The following GLI3 variants were observed in gnomAD, a reference collection of about 807,000 sequenced individuals.
GLI3 encodes the protein transcription activator GLI3.
A neutral mutation model predicts 100.8 loss-of-function variants in GLI3; 20 were observed. The ratio of observed to expected loss-of-function variants is 0.20; its 90% CI spans 0.14 to 0.29. GLI3 has a LOEUF of 0.29. Ranked by LOEUF, GLI3 falls within the 10% of genes least tolerant of loss-of-function variation. GLI3 has a pLI of 1.00. For missense variants in GLI3, 2,040 were observed against 2,128.5 expected (o/e 0.96, Z 0.82); for synonymous variants, 938 against 860.5 (o/e 1.09, Z -1.58).
At chr7:42,211,447 T>C (rs1263023235) in intron 2 of GLI3, among the ~76,000 whole-genome samples, 5 of 152,224 alleles carry the variant, frequency 3.3e-5, no homozygotes, top group Admixed American at 1.3e-4. Context: ...TTAGGAAAGA[T>C]TGAATTTAAG....
chr7:42,080,490 T>C (rs1416644559), intron 3 of GLI3, among the ~76,000 whole-genome samples: 1 of 152,194 alleles, frequency 6.6e-6, no homozygotes, highest in Non-Finnish European at 1.5e-5. Flanking sequence ...CCCCTCTTGA[T>C]TAAATTTAAA....
At chr7:42,035,929 T>C (rs1382567117) in intron 7 of GLI3, among the ~76,000 whole-genome samples, 1 of 152,222 alleles carries the variant, frequency 6.6e-6, no homozygotes, top group Non-Finnish European at 1.5e-5. Context: ...TGCAATATTT[T>C]ATAACATACT....
chr7:42,152,620 T>TA (rs1284504834), intron 2 of GLI3, among the ~76,000 whole-genome samples: 3 of 152,224 alleles, frequency 2.0e-5, no homozygotes, highest in African/African-American at 7.2e-5. Flanking sequence ...GTCAGGCGGC[T>TA]AATCATTAAA....
At chr7:42,051,893 A>T (rs1387238065) in intron 4 of GLI3, among the ~76,000 whole-genome samples, 1 of 152,166 alleles carries the variant, frequency 6.6e-6, no homozygotes, top group African/African-American at 2.4e-5. Context: ...TCTTGGTGTT[A>T]TCCTTTCTAC....
chr7:41,964,817 T>A lies in GLI3; in HGVS notation c.4256A>T (p.Asn1419Ile). The A allele has an allele frequency of 1.2e-6, 2 of 1,614,004 alleles. No homozygotes were observed. Among genetic ancestry groups the A allele is most frequent in the Non-Finnish European group, 1.7e-6 (2 of 1,180,016 alleles). ...LSDTSQTCRV[N>I]GIKMEMKGQP... is the part of the protein sequence containing the mutation. The stretch of plus-strand genomic sequence containing the variant: ...CCCTTTCATCTCCATCTTGATACCA[T>A]TCACCCTGCAGGTCTGACTTGTGTC... Residue 1419 changes from asparagine to isoleucine, a missense_variant, in exon 15 of 15, where the codon AAT becomes ATT. Coordinates refer to ENST00000395925, the MANE Select transcript of GLI3 (RefSeq NM_000168.6).
At chr7:42,243,646 A>G (rs537771228) in intron 1 of GLI3, among the ~76,000 whole-genome samples, 1 of 152,218 alleles carries the variant, frequency 6.6e-6, no homozygotes, top group East Asian at 1.9e-4. Context: ...TGGATCTACT[A>G]TCCGGATTAG....
chr7:42,209,962 G>A (rs1320388798), intron 2 of GLI3, among the ~76,000 whole-genome samples: 1 of 124,044 alleles, frequency 8.1e-6, no homozygotes, highest in Non-Finnish European at 1.6e-5. Flanking sequence ...GCAAATGCTG[G>A]GTCATACATC....
chr7:42,156,861 T>G (rs1787015852), intron 2 of GLI3, among the ~76,000 whole-genome samples: 1 of 152,236 alleles, frequency 6.6e-6, no homozygotes, highest in Admixed American at 6.5e-5. Context: ...CTAACCTTTC[T>G]AACATTTTTC....
At chr7:42,183,610 T>C (rs1355925969) in intron 2 of GLI3, among the ~76,000 whole-genome samples, 1 of 152,162 alleles carries the variant, frequency 6.6e-6, no homozygotes, top group African/African-American at 2.4e-5. Flanking sequence ...CTGAAGGACC[T>C]GTGACAGCCT....
At chr7:41,981,193 G>A (rs368101504) in intron 10 of GLI3, among the ~76,000 whole-genome samples, 15 of 152,358 alleles carry the variant, frequency 9.8e-5, no homozygotes, top group East Asian at 9.6e-4. Flanking sequence ...ACGCATGGCA[G>A]GAGAGAACTG....
At position 41,961,506 on chromosome 7, in the gene GLI3, G is replaced by A. The variant is rs1217229753; in HGVS notation, c.*2824C>T. ...AAAACTTTGTGGCTCAAGAGGAAGA[G>A]CCAATGTGTGAGGAGTTGGGAGGGG... On this transcript the variant is annotated 3_prime_UTR_variant, in exon 15 of 15. Transcript: ENST00000395925. 6.6e-6 allele frequency: 1 copy of A among 152,630 alleles called. No homozygotes were observed. Among genetic ancestry groups the A allele is most frequent in the Non-Finnish European group, 1.5e-5 (1 of 68,048 alleles). 9.5% of individuals were successfully genotyped at this position (152,630 alleles called of 1,614,324 possible).
At chr7:42,083,067 T>C (rs1345593151) in intron 3 of GLI3, among the ~76,000 whole-genome samples, 1 of 152,228 alleles carries the variant, frequency 6.6e-6, no homozygotes, top group Non-Finnish European at 1.5e-5. Flanking sequence ...ACTCTCTTCA[T>C]TATTTTAAAA....
intron 3 of GLI3, among the ~76,000 whole-genome samples, chr7:42,143,032 A>G (rs1405997397): frequency 2.6e-5 from 4 of 151,828 alleles, no homozygotes; most frequent in Non-Finnish European, 4.4e-5. Context: ...AGGTCATTCT[A>G]TTGAATTTCT....
At chr7:42,125,267 C>A (rs1786097587) in intron 3 of GLI3, among the ~76,000 whole-genome samples, 1 of 152,126 alleles carries the variant, frequency 6.6e-6, no homozygotes, top group African/African-American at 2.4e-5. Context: ...AGGTCCCTGT[C>A]TGGGCCCTTG....
In GLI3 at chr7:42,014,951, A is replaced by T. The variant is rs113853987; in HGVS notation, c.1497+8517T>A. Among the ~76,000 whole-genome samples the T allele has an allele frequency of 2.7e-3, 412 of 152,338 alleles. 6 individuals carry two copies. Among genetic ancestry groups the T allele is most frequent in the African/African-American group, 8.6e-3 (359 of 41,574 alleles). The stretch of plus-strand genomic sequence containing the variant: ...TATTTTTAAATGTTCATAAAAGTGC[A>T]CTTAATCTCTCCATTCTTCAGTTGA... On this transcript the variant is annotated intron_variant, in intron 10 of 14. Transcript: ENST00000395925.
At chr7:42,203,391 T>TC (rs1788084884) in intron 2 of GLI3, among the ~76,000 whole-genome samples, 1 of 152,100 alleles carries the variant, frequency 6.6e-6, no homozygotes, top group Admixed American at 6.5e-5. Flanking sequence ...CCCAGTCCTG[T>TC]CCCCCAAGTG....
intron 7 of GLI3, among the ~76,000 whole-genome samples, chr7:42,038,193 G>A (rs1026273230): frequency 6.6e-6 from 1 of 152,146 alleles, no homozygotes; most frequent in South Asian, 2.1e-4. Context: ...AGGAATATTC[G>A]CCAGGAGTGC....
At chr7:42,042,734 T>G (rs1784170288) in intron 6 of GLI3, among the ~76,000 whole-genome samples, 2 of 152,226 alleles carry the variant, frequency 1.3e-5, no homozygotes, top group African/African-American at 2.4e-5. Context: ...ACCCTTTCCA[T>G]GAAACCCTTT....
At chr7:42,083,938 T>A (rs150225083) in intron 3 of GLI3, among the ~76,000 whole-genome samples, 91 of 152,336 alleles carry the variant, frequency 6.0e-4, no homozygotes, top group Middle Eastern at 3.4e-3. Context: ...TGAAGTTACC[T>A]TATAAATTAA....
Sources: gnomAD v4.1 joint callset for allele counts (sites outside exome capture counted in the v4.1 genomes callset) on GRCh38, gnomAD v4.1.1 for gene constraint, MANE v1.5 for transcripts, NCBI Gene and HGNC (gene_info 2026-07-23, HGNC 2026-07-21) for gene names.